The following RNF212B variants were observed in gnomAD, a reference collection of about 807,000 sequenced individuals.
RNF212B encodes the protein E3 ubiquitin-protein ligase RNF212B.
A neutral mutation model predicts 55.5 loss-of-function variants in RNF212B; 52 were observed. The ratio of observed to expected loss-of-function variants is 0.94; its 90% CI spans 0.75 to 1.18. The LOEUF (loss-of-function observed/expected upper bound fraction) is 1.18, where lower values mean the gene tolerates loss of function less well. Ranked by LOEUF, RNF212B falls within the 50% of genes most tolerant of loss-of-function variation. The pLI, the probability that RNF212B is intolerant of heterozygous loss-of-function variation, is 0.00. For missense variants in RNF212B, 289 were observed against 350.4 expected (o/e 0.82, Z 1.40); for synonymous variants, 99 against 121.4 (o/e 0.82, Z 1.21).
intron 2 of RNF212B, among the ~76,000 whole-genome samples, chr14:23,214,788 G>GA (rs1880910373): frequency 6.6e-6 from 1 of 151,582 alleles, no homozygotes; most frequent in Non-Finnish European, 1.5e-5. Context: ...AAAAAGAGGA[G>GA]AAAAAATGAA....
intron 2 of RNF212B, among the ~76,000 whole-genome samples, chr14:23,217,135 T>A (rs569159797): frequency 1.3e-5 from 2 of 151,500 alleles, no homozygotes; most frequent in South Asian, 4.2e-4. Flanking sequence ...CCCTGAAGGG[T>A]GAGTCTTAGG....
At chr14:23,238,632 A>G (rs113091529) in intron 1 of RNF212B, among the ~76,000 whole-genome samples, 25,236 of 151,444 alleles carry the variant, frequency 0.17, 2,542 homozygotes, top group South Asian at 0.25. Flanking sequence ...CAGCTACTCC[A>G]GAGGCTGAGG....
chr14:23,254,218 G>A (rs1884618470), intron 4 of RNF212B, among the ~76,000 whole-genome samples: 1 of 151,636 alleles, frequency 6.6e-6, no homozygotes, highest in African/African-American at 2.4e-5. Flanking sequence ...CCAGGAGGTT[G>A]AGCCTGCAGT....
intron 4 of RNF212B, 118 bp downstream of exon 4, chr14:23,244,514 G>T: frequency 1.8e-6 from 1 of 563,696 alleles, no homozygotes; most frequent in Non-Finnish European, 3.1e-6. Flanking sequence ...GAAATTGACT[G>T]CTTTCTTTGC....
chr14:23,189,465 G>T (rs752022188), intron 1 of RNF212B, among the ~76,000 whole-genome samples: 1 of 151,902 alleles, frequency 6.6e-6, no homozygotes, highest in African/African-American at 2.4e-5. Context: ...CTGTCTCCTG[G>T]ATTATTCCTG....
chr14:23,236,070 C>G (rs1209257710), upstream of RNF212B, among the ~76,000 whole-genome samples: 1 of 152,160 alleles, frequency 6.6e-6, no homozygotes, highest in African/African-American at 2.4e-5. Context: ...ACCAAAACAG[C>G]GTACTGCAAA....
At position 23,238,376 on chromosome 14, in the gene RNF212B, A is replaced by AT. The variant is rs1201185747; in HGVS notation, c.-2+327dup. ...TTGCGTTGAGCTGTTTATTCAGTAC[A>AT]TTTTTTATCGTAAATCTTACGAAGT... On this transcript the variant is annotated intron_variant, in intron 1 of 14. Transcript: ENST00000430154. 3.3e-5 allele frequency among the ~76,000 whole-genome samples: 5 copies of AT among 151,994 alleles called. No homozygotes were observed. In the South Asian group the frequency reaches 1.0e-3, roughly 32 times the overall value.
chr14:23,242,004 C>A (rs1282164554), intron 2 of RNF212B, among the ~76,000 whole-genome samples: 1 of 147,496 alleles, frequency 6.8e-6, no homozygotes, highest in Non-Finnish European at 1.5e-5. Flanking sequence ...ATGGTGTGAA[C>A]CCCGGAGGCA....
chr14:23,199,685 A>G (rs77768167), intron 2 of RNF212B, among the ~76,000 whole-genome samples: 176 of 152,244 alleles, frequency 1.2e-3, no homozygotes, highest in Non-Finnish European at 1.5e-3. Flanking sequence ...CTCATGTCCT[A>G]TGAAGGAAAA....
At chr14:23,258,688 G>C in intron 5 of RNF212B, 24 bp downstream of exon 5, 25 of 868,692 alleles carry the variant, frequency 2.9e-5, no homozygotes, top group Non-Finnish European at 3.7e-5. Context: ...CAAGTCCCAA[G>C]AGAGCTTTTT....
At chr14:23,212,613 T>A (rs1880637048) in intron 2 of RNF212B, among the ~76,000 whole-genome samples, 1 of 152,010 alleles carries the variant, frequency 6.6e-6, no homozygotes, top group African/African-American at 2.4e-5. Context: ...TCTCGCTCTG[T>A]CGCCCAGGCC....
In RNF212B at chr14:23,257,200, A is replaced by G. The variant is rs117224095; in HGVS notation, c.229-1349A>G. On this transcript the variant is annotated intron_variant, in intron 4 of 14. Coordinates refer to ENST00000430154, the MANE Select transcript of RNF212B (RefSeq NM_001282322.3). ...AAAATAAATCAAAATTATTTTTCATAGAGACAGGGTCTTGCTATGTTGCTT... is the reference window on the plus strand; with the variant it reads ...AAAATAAATCAAAATTATTTTTCATGGAGACAGGGTCTTGCTATGTTGCTT... Among the ~76,000 whole-genome samples, 18 of 152,268 alleles carry G rather than the reference A, an allele frequency of 1.2e-4. No homozygotes were observed. The East Asian group carries it at 2.3e-3, about 20-fold the overall frequency.
At chr14:23,249,653 C>T (rs182873839) in intron 4 of RNF212B, among the ~76,000 whole-genome samples, 4 of 152,178 alleles carry the variant, frequency 2.6e-5, no homozygotes, top group African/African-American at 9.6e-5. Context: ...TAGTTGAATT[C>T]TTCATCACTA....
intron 1 of RNF212B, chr14:23,188,361 G>C (rs1408013523): frequency 1.3e-5 from 2 of 151,824 alleles, no homozygotes; most frequent in African/African-American, 4.8e-5. Context: ...GGCCTTAACA[G>C]TCTTCTTTCT....
intron 4 of RNF212B, among the ~76,000 whole-genome samples, chr14:23,251,128 A>G (rs950668270): frequency 1.3e-5 from 2 of 152,154 alleles, no homozygotes; most frequent in African/African-American, 4.8e-5. Flanking sequence ...GCCTGACGTA[A>G]AGTGTTCAGT....
chr14:23,239,203 G>A (rs956686010), intron 1 of RNF212B, among the ~76,000 whole-genome samples: 16 of 151,970 alleles, frequency 1.1e-4, no homozygotes, highest in Admixed American at 8.5e-4. Flanking sequence ...GGTTACAGGC[G>A]TGCACCACCA....
intron 4 of RNF212B, among the ~76,000 whole-genome samples, chr14:23,255,793 G>A (rs1323486783): frequency 6.6e-6 from 1 of 152,198 alleles, no homozygotes; most frequent in African/African-American, 2.4e-5. Flanking sequence ...TCATGAGGCT[G>A]AGGGATTTGA....
chr14:23,206,912 TAA>T (rs201181337), intron 2 of RNF212B, among the ~76,000 whole-genome samples: 3 of 143,484 alleles, frequency 2.1e-5, no homozygotes, highest in Non-Finnish European at 1.5e-5. Flanking sequence ...AAACTTTCGT[TAA>T]AAAAAAAAAG....
intron 2 of RNF212B, among the ~76,000 whole-genome samples, chr14:23,229,647 A>T (rs1020709135): frequency 6.6e-6 from 1 of 152,070 alleles, no homozygotes; most frequent in African/African-American, 2.4e-5. Flanking sequence ...TTATATTGAG[A>T]ATCTTTTCAT....
Sources: allele counts gnomAD v4.1 joint callset (sites outside exome capture counted in the v4.1 genomes callset), GRCh38; gene constraint gnomAD v4.1.1; transcripts MANE v1.5; gene names NCBI Gene and HGNC (gene_info 2026-07-23, HGNC 2026-07-21).